Variants in ZNF592 observed in about 807,000 individuals in gnomAD.
The protein encoded by ZNF592 is zinc finger protein 592, also known as spinocerebellar ataxia, autosomal recessive 5.
In ZNF592, 11 loss-of-function variants were observed where a neutral mutation model predicts 80.3. The ratio of observed to expected loss-of-function variants is 0.14; its 90% CI spans 0.09 to 0.23. ZNF592 has a LOEUF of 0.23. ZNF592 is among the 10% of genes least tolerant of loss of function. The probability of loss-of-function intolerance (pLI) is 1.00; values close to 1 mark genes in which losing one functional copy is unlikely to be tolerated. For missense variants in ZNF592, 1,420 were observed against 1,633.9 expected (o/e 0.87, Z 2.26); for synonymous variants, 646 against 640.3 (o/e 1.01, Z -0.13).
intron 4 of ZNF592, among the ~76,000 whole-genome samples, chr15:84,788,225 T>G (rs1003720656): frequency 3.9e-5 from 6 of 152,234 alleles, no homozygotes; most frequent in Admixed American, 3.9e-4. Flanking sequence ...GCTGAATTAA[T>G]GAGAGTGAAT....
chr15:84,783,488 G>A lies in ZNF592; in HGVS notation c.813G>A (p.Arg271=). 1 of 1,614,224 alleles carries A rather than the reference G, an allele frequency of 6.2e-7. No individual in the cohort carries two copies. Among genetic ancestry groups the A allele is most frequent in the Admixed American group, 1.7e-5 (1 of 60,030 alleles). ...GTACCTGCTCATCAGTCCCCCCTAG[G>A]CAGCGTCTAAAGCCAGCTCATTCCA... The part of the protein sequence containing the change: ...ELGTCSSVPP[R]QRLKPAHSKL... Residue 271 remains arginine (R), a synonymous_variant, in exon 4 of 11, where the codon AGG becomes AGA. Coordinates refer to ENST00000560079, the MANE Select transcript of ZNF592 (RefSeq NM_014630.3). This position sits in a 1 kb window ranked among gnomAD's most constrained non-coding sequence, Gnocchi z 5.0.
Position 84,783,400 on chromosome 15 carries a change from T to C in ZNF592, c.725T>C (p.Leu242Ser). 1 of 1,614,204 alleles carries C rather than the reference T, an allele frequency of 6.2e-7. No individual in the cohort carries two copies. ...PDATRFFGEA[L>S]EFNSHPSNSI... ...GCCACTCGATTCTTCGGGGAAGCTT[T>C]GGAGTTCAACAGCCATCCTAGCAAC... Residue 242 changes from leucine to serine, a missense_variant, in exon 4 of 11, where the codon TTG becomes TCG. Physicochemically the swap from Leu to Ser is moderately radical, Grantham distance 145. Coordinates refer to ENST00000560079, the MANE Select transcript of ZNF592 (RefSeq NM_014630.3). The surrounding 1 kb of genome is among the most constrained non-coding windows in gnomAD (Gnocchi z 5.0).
At chr15:84,782,186 C>T (rs1962439362) in intron 3 of ZNF592, among the ~76,000 whole-genome samples, 1 of 151,990 alleles carries the variant, frequency 6.6e-6, no homozygotes, top group East Asian at 1.9e-4. Context: ...AGAAAGAAAC[C>T]CCAAAGTTAT....
rs186733633 is a variant in ZNF592, at chr15:84,777,856, C to T, written c.-149-327C>T. On this transcript the variant is annotated intron_variant, in intron 2 of 10. Coordinates refer to ENST00000560079, the MANE Select transcript of ZNF592 (RefSeq NM_014630.3). ...CTGGGACTATAGGCGCCCACCACCACGCCCGGCTAATTTTTTTGTATTTTT... is the reference window on the plus strand; with the variant it reads ...CTGGGACTATAGGCGCCCACCACCATGCCCGGCTAATTTTTTTGTATTTTT... Among the ~76,000 whole-genome samples the T allele has an allele frequency of 4.7e-3, 715 of 152,064 alleles. 3 individuals are homozygous for T. The highest frequency in any genetic ancestry group is 7.2e-3 in the Non-Finnish European group (490 of 67,990).
chr15:84,773,996 G>C (rs1187933648), intron 2 of ZNF592, among the ~76,000 whole-genome samples: 1 of 152,212 alleles, frequency 6.6e-6, no homozygotes, highest in African/African-American at 2.4e-5. Context: ...GGCCTTTTGT[G>C]ATGAAACATG....
At position 84,783,686 on chromosome 15, in the gene ZNF592, G is replaced by A. The variant is rs749172271; in HGVS notation, c.1011G>A (p.Glu337=). The A allele has an allele frequency of 5.6e-6, 9 of 1,614,224 alleles. No individual in the cohort carries two copies. In the South Asian group the frequency reaches 7.7e-5, roughly 14 times the overall value. Residue 337 remains glutamate, a synonymous_variant, in exon 4 of 11, where the codon GAG becomes GAA. Coordinates refer to ENST00000560079, the MANE Select transcript of ZNF592 (RefSeq NM_014630.3). The surrounding 1 kb of genome is among the most constrained non-coding windows in gnomAD (Gnocchi z 5.0). ...KSPKSPRSPL[E]ATRKSIKPSD... ...CAAAGAGTCCCCGGAGCCCTCTGGA[G>A]GCCACTAGAAAAAGTATCAAGCCAT...
intron 5 of ZNF592, among the ~76,000 whole-genome samples, chr15:84,791,624 C>G (rs943380730): frequency 1.3e-5 from 2 of 151,994 alleles, no homozygotes; most frequent in African/African-American, 4.8e-5. Context: ...GTGTTAGACA[C>G]TCAGGATACA....
At chr15:84,786,003 A>G (rs1034978007) in intron 4 of ZNF592, among the ~76,000 whole-genome samples, 5 of 152,096 alleles carry the variant, frequency 3.3e-5, no homozygotes, top group Admixed American at 3.3e-4. Context: ...CCCACCCCTC[A>G]TGGTGCTTCC....
In ZNF592 at chr15:84,804,872, C is replaced by T. The variant is rs897535713; in HGVS notation, c.*2479C>T. 3 of 152,152 alleles carry T rather than the reference C, an allele frequency of 2.0e-5. No individual in the cohort carries two copies. The highest frequency in any genetic ancestry group is 4.4e-5 in the Non-Finnish European group (3 of 68,038). The allele number at this position is 152,152 out of a possible 1,614,324, so 9.4% of individuals were successfully genotyped here. A position where few individuals can be genotyped will look rare whatever the true frequency, so the allele number is the denominator to read the frequency against. On this transcript the variant is annotated 3_prime_UTR_variant, in exon 11 of 11. Coordinates refer to ENST00000560079, the MANE Select transcript of ZNF592 (RefSeq NM_014630.3). ...TTTCTGGTGATTCTCTCCTTTAATC[C>T]TCACAAAGATCTCACAGTTGTCCTC... is the stretch of plus-strand genomic sequence containing the variant.
intron 1 of ZNF592, among the ~76,000 whole-genome samples, chr15:84,749,269 C>A (rs1398313357): frequency 6.6e-6 from 1 of 152,184 alleles, no homozygotes; most frequent in African/African-American, 2.4e-5. Flanking sequence ...TGAAAATTGT[C>A]TCTCTGCAAG....
intron 4 of ZNF592, among the ~76,000 whole-genome samples, chr15:84,786,841 C>CTTTTTTTT (rs35391255): frequency 4.4e-4 from 31 of 70,838 alleles, no homozygotes; most frequent in Admixed American, 7.3e-4. Flanking sequence ...CCTTACGTAT[C>CTTTTTTTT]TTTTTTTTTT....
At chr15:84,778,860 A>G (rs1962342289) in intron 3 of ZNF592, among the ~76,000 whole-genome samples, 1 of 152,182 alleles carries the variant, frequency 6.6e-6, no homozygotes, top group Non-Finnish European at 1.5e-5. Context: ...TTATAGCATC[A>G]TTTGGAGTTT....
chr15:84,751,352 G>A (rs545953707), intron 1 of ZNF592, among the ~76,000 whole-genome samples: 1 of 152,298 alleles, frequency 6.6e-6, no homozygotes, highest in Admixed American at 6.5e-5. Flanking sequence ...TGGATTCAAA[G>A]CACGTCTGCC....
intron 3 of ZNF592, 126 bp downstream of exon 3, chr15:84,778,438 T>C (rs916197344): frequency 6.5e-6 from 1 of 153,226 alleles, no homozygotes; most frequent in Non-Finnish European, 1.5e-5. Flanking sequence ...CTTTTTAATA[T>C]GCAAATGCAG....
At chr15:84,801,154 C>T (rs1311290886) in intron 10 of ZNF592, among the ~76,000 whole-genome samples, 1 of 152,178 alleles carries the variant, frequency 6.6e-6, no homozygotes, top group Non-Finnish European at 1.5e-5. Flanking sequence ...GACTCTGTCT[C>T]TACAATAAAT....
At position 84,799,327 on chromosome 15, in the gene ZNF592, TC is replaced by T; in HGVS notation, c.3137+119del. 1 of 1,110,930 alleles carries T rather than the reference TC, an allele frequency of 9.0e-7. No homozygotes were observed. The highest frequency in any genetic ancestry group is 1.4e-6 in the Non-Finnish European group (1 of 733,900). 68.8% of individuals were successfully genotyped at this position (1,110,930 alleles called of 1,614,324 possible). A position where few individuals can be genotyped will look rare whatever the true frequency, so the allele number is the denominator to read the frequency against. ...TGTCTAAGACAAGAGACAAGTGATTTCCAACTGGAAGAAATTGCGGCTAAGT... is the reference window on the plus strand; with the variant it reads ...TGTCTAAGACAAGAGACAAGTGATTTCAACTGGAAGAAATTGCGGCTAAGT... On this transcript the variant is annotated intron_variant, in intron 9 of 10. Transcript: ENST00000560079. The surrounding 1 kb of genome is among the most constrained non-coding windows in gnomAD (Gnocchi z 4.2).
At position 84,784,216 on chromosome 15, in the gene ZNF592, G is replaced by A; in HGVS notation, c.1541G>A (p.Ser514Asn). Reference sequence around the variant, plus strand: ...GCCAACCTGAACCTCGTCCCCCACAGTGTTGCTGCATCAGTGACAGCCAAG... The same window carrying A: ...GCCAACCTGAACCTCGTCCCCCACAATGTTGCTGCATCAGTGACAGCCAAG... ...HLANLNLVPH[S>N]VAASVTAKSS... The change falls in exon 4 of 11, where the codon AGT becomes AAT. Residue 514 changes from serine to asparagine, a missense_variant. Around this residue, in one of 7 missense-constraint regions of ZNF592, gnomAD observed 524 missense variants for 628.3 expected, o/e 0.83. Coordinates refer to ENST00000560079, the MANE Select transcript of ZNF592 (RefSeq NM_014630.3). This position sits in a 1 kb window ranked among gnomAD's most constrained non-coding sequence, Gnocchi z 5.8. 2.5e-6 allele frequency: 4 copies of A among 1,614,238 alleles called. No individual in the cohort carries two copies. Among genetic ancestry groups the A allele is most frequent in the Non-Finnish European group, 3.4e-6 (4 of 1,180,048 alleles).
At chr15:84,762,363 G>C (rs747286493) in intron 1 of ZNF592, among the ~76,000 whole-genome samples, 7 of 152,196 alleles carry the variant, frequency 4.6e-5, no homozygotes, top group African/African-American at 7.2e-5. Context: ...GAAATCTCAT[G>C]GATTAAATGG....
rs1345276734 is a variant in ZNF592 at position 84,784,483 on chromosome 15, G to A, written c.1808G>A (p.Ser603Asn). ...GDAFALEKSL[S>N]QHYGRRSVHI... ...GCATTTGCCTTAGAGAAGAGCCTGA[G>A]CCAGCACTATGGCCGGCGGAGCGTC... is the stretch of plus-strand genomic sequence containing the variant. The change falls in exon 4 of 11, where the codon AGC becomes AAC. Residue 603 changes from serine to asparagine, a missense_variant. Ser to Asn is a conservative substitution (Grantham distance 46, BLOSUM62 1). Transcript: ENST00000560079. The surrounding 1 kb of genome is among the most constrained non-coding windows in gnomAD (Gnocchi z 5.8). The A allele has an allele frequency of 1.2e-6, 2 of 1,614,208 alleles. No homozygotes were observed. Among genetic ancestry groups the A allele is most frequent in the South Asian group, 2.2e-5 (2 of 91,086 alleles).
Sources: allele counts gnomAD v4.1 joint callset (sites outside exome capture counted in the v4.1 genomes callset), GRCh38; gene constraint gnomAD v4.1.1; regional missense constraint gnomAD v4.1.1; non-coding constraint Gnocchi (gnomAD v3.1); transcripts MANE v1.5; gene names NCBI Gene and HGNC (gene_info 2026-07-23, HGNC 2026-07-21).